The following FRMD4A variants were observed in gnomAD, a reference collection of about 807,000 sequenced individuals.
The protein encoded by FRMD4A is FERM domain containing 4A, also known as FERM domain-containing protein 4A.
In FRMD4A, 29 loss-of-function variants were observed where a neutral mutation model predicts 129.1. The ratio of observed to expected loss-of-function variants is 0.22; its 90% CI spans 0.17 to 0.31. The LOEUF is 0.31. Among genes scored for constraint, FRMD4A ranks in the 10% least tolerant of loss-of-function variants. The pLI is 1.00. For synonymous variants in FRMD4A, 634 were observed against 571.6 expected (o/e 1.11, Z -1.56); for missense variants, 1,272 against 1,375.8 (o/e 0.92, Z 1.19).
chr10:14,292,144 G>A lies in FRMD4A; in HGVS notation c.45+37914C>T, dbSNP rs534474139. Among the ~76,000 whole-genome samples the A allele has an allele frequency of 3.3e-5, 5 of 152,272 alleles. No individual in the cohort carries two copies. The South Asian group carries it at 8.3e-4, about 25-fold the overall frequency. ...TCCATGTATTCAATGCAATTCCATT[G>A]AAAATTCCAAAAGGAATATTTACGA... On this transcript the variant is annotated intron_variant, in intron 2 of 24. Transcript: ENST00000357447.
chr10:13,688,325 A>C (rs2085297904), intron 15 of FRMD4A, among the ~76,000 whole-genome samples: 1 of 152,120 alleles, frequency 6.6e-6, no homozygotes, highest in East Asian at 1.9e-4. Flanking sequence ...GTTCTCACTC[A>C]TAGGTGGGAA....
intron 2 of FRMD4A, among the ~76,000 whole-genome samples, chr10:14,030,623 G>A (rs1833194049): frequency 6.6e-6 from 1 of 152,206 alleles, no homozygotes; most frequent in East Asian, 1.9e-4. Flanking sequence ...TCTGGGTCTA[G>A]TTAAAGGCTG....
At chr10:14,042,834 T>C (rs1247818563) in intron 2 of FRMD4A, among the ~76,000 whole-genome samples, 3 of 141,574 alleles carry the variant, frequency 2.1e-5, no homozygotes, top group Non-Finnish European at 3.0e-5. Flanking sequence ...GGCGTGGTAG[T>C]GCAAACCTGT....
chr10:14,186,254 C>A (rs553258000), intron 2 of FRMD4A, among the ~76,000 whole-genome samples: 1 of 152,134 alleles, frequency 6.6e-6, no homozygotes, highest in Non-Finnish European at 1.5e-5. Context: ...AGAGCCTGTA[C>A]AGAACCAGCC....
intron 13 of FRMD4A, among the ~76,000 whole-genome samples, chr10:13,705,992 G>T (rs2087395295): frequency 6.6e-6 from 1 of 152,170 alleles, no homozygotes; most frequent in African/African-American, 2.4e-5. Flanking sequence ...ACAGGTCCAA[G>T]CCCTCTCACT....
intron 12 of FRMD4A, among the ~76,000 whole-genome samples, chr10:13,708,616 T>G (rs2087711640): frequency 6.6e-6 from 1 of 152,250 alleles, no homozygotes. Context: ...GGAGAGACAC[T>G]GCAAGGAAAG....
chr10:14,148,719 G>C (rs577413528), intron 2 of FRMD4A, among the ~76,000 whole-genome samples: 2 of 150,672 alleles, frequency 1.3e-5, no homozygotes, highest in Admixed American at 1.3e-4. Flanking sequence ...CCGAGATTGC[G>C]CCACTGCACT....
intron 2 of FRMD4A, among the ~76,000 whole-genome samples, chr10:14,128,081 T>C (rs962832818): frequency 7.0e-5 from 8 of 115,002 alleles, no homozygotes; most frequent in African/African-American, 1.7e-4. Flanking sequence ...TCTTTCTTTC[T>C]TTCTTTCTTT....
At chr10:14,193,470 C>A (rs987587045) in intron 2 of FRMD4A, among the ~76,000 whole-genome samples, 5 of 135,610 alleles carry the variant, frequency 3.7e-5, no homozygotes, top group East Asian at 2.6e-4. Flanking sequence ...ACCCACCCAC[C>A]CACCCACACA....
At chr10:13,952,860 T>A (rs1021051936) in intron 2 of FRMD4A, among the ~76,000 whole-genome samples, 1 of 151,818 alleles carries the variant, frequency 6.6e-6, no homozygotes, top group African/African-American at 2.4e-5. Flanking sequence ...GTCGGCTAAT[T>A]TTTTTTCGTA....
intron 2 of FRMD4A, among the ~76,000 whole-genome samples, chr10:13,900,981 C>T (rs566878160): frequency 2.6e-5 from 4 of 152,288 alleles, no homozygotes; most frequent in East Asian, 1.9e-4. Flanking sequence ...ATGTGATTTA[C>T]GTATAATAAC....
intron 2 of FRMD4A, among the ~76,000 whole-genome samples, chr10:14,028,954 C>A (rs143646380): frequency 2.0e-4 from 30 of 152,278 alleles, no homozygotes; most frequent in African/African-American, 7.0e-4. Flanking sequence ...GAAAAAAATC[C>A]ACTTTAACCG....
At position 14,189,868 on chromosome 10, in the gene FRMD4A, G is replaced by A. The variant is rs117114986; in HGVS notation, c.45+140190C>T. Reference sequence around the variant, plus strand: ...GGCAAAAGTGTTGGGAATTTGAGTCGGCCTCAGTAGGAAAATCCTTATAAA... The same window carrying A: ...GGCAAAAGTGTTGGGAATTTGAGTCAGCCTCAGTAGGAAAATCCTTATAAA... On this transcript the variant is annotated intron_variant, in intron 2 of 24. Coordinates refer to ENST00000357447, the MANE Select transcript of FRMD4A (RefSeq NM_018027.5). 7.8e-4 allele frequency among the ~76,000 whole-genome samples: 118 copies of A among 152,230 alleles called. No individual in the cohort carries two copies. The East Asian group carries it at 0.014, about 18-fold the overall frequency.
chr10:14,179,154 T>G (rs1841828429), intron 2 of FRMD4A, among the ~76,000 whole-genome samples: 1 of 152,184 alleles, frequency 6.6e-6, no homozygotes, highest in Non-Finnish European at 1.5e-5. Context: ...CCCCACATCT[T>G]TGCCATTTTT....
chr10:13,688,287 A>C (rs4750397), intron 15 of FRMD4A, among the ~76,000 whole-genome samples: 48,454 of 151,904 alleles, frequency 0.32, 8,108 homozygotes, highest in African/African-American at 0.42. Context: ...GGCAAACTAT[A>C]GCAAGCACAA....
At chr10:13,822,344 C>A (rs1412400532) in intron 3 of FRMD4A, among the ~76,000 whole-genome samples, 1 of 152,194 alleles carries the variant, frequency 6.6e-6, no homozygotes, top group Non-Finnish European at 1.5e-5. Flanking sequence ...GGGTTCAGAT[C>A]TAGCAAATAA....
At position 14,320,402 on chromosome 10, in the gene FRMD4A, G is replaced by A. The variant is rs79536570; in HGVS notation, c.45+9656C>T. Among the ~76,000 whole-genome samples, 712 of 152,110 alleles carry A rather than the reference G, an allele frequency of 4.7e-3. 7 individuals carry two copies. Among genetic ancestry groups the A allele is most frequent in the African/African-American group, 0.016 (669 of 41,510 alleles). Reference sequence around the variant, plus strand: ...TGCCCTCCCCAACCCCACCCTTGGCGGTTTAACATTTCCTCCTGAATTTCC... The same window carrying A: ...TGCCCTCCCCAACCCCACCCTTGGCAGTTTAACATTTCCTCCTGAATTTCC... On this transcript the variant is annotated intron_variant, in intron 2 of 24. Coordinates refer to ENST00000357447, the MANE Select transcript of FRMD4A (RefSeq NM_018027.5).
At position 14,249,434 on chromosome 10, in the gene FRMD4A, T is replaced by C. The variant is rs572512411; in HGVS notation, c.45+80624A>G. On this transcript the variant is annotated intron_variant, in intron 2 of 24. Transcript: ENST00000357447. ...AACTAGTGTTTGTGTGAAATGAAGC[T>C]GGGGCCAGAGGCCAGGACTGTCTTA... Among the ~76,000 whole-genome samples the C allele has an allele frequency of 5.6e-4, 85 of 152,244 alleles. 1 individual carries two copies. In the South Asian group the frequency reaches 0.017, roughly 31 times the overall value.
intron 2 of FRMD4A, among the ~76,000 whole-genome samples, chr10:14,263,709 C>A (rs1844883342): frequency 1.3e-5 from 2 of 152,094 alleles, no homozygotes; most frequent in South Asian, 4.2e-4. Flanking sequence ...AGGGTTAGGG[C>A]ACAAGCAGGG....
Sources: gnomAD v4.1 joint callset for allele counts (sites outside exome capture counted in the v4.1 genomes callset) on GRCh38, gnomAD v4.1.1 for gene constraint, MANE v1.5 for transcripts, NCBI Gene and HGNC (gene_info 2026-07-23, HGNC 2026-07-21) for gene names.